The following ZEB1 variants were observed in gnomAD, a reference collection of about 807,000 sequenced individuals.
The protein encoded by ZEB1 is zinc finger E-box-binding homeobox 1.
Under a neutral mutation model 84.9 loss-of-function variants are expected in ZEB1, and 21 were observed. The observed-to-expected ratio is 0.25, with a 90% CI of 0.18 to 0.36. The LOEUF (loss-of-function observed/expected upper bound fraction) is 0.36, where lower values mean the gene tolerates loss of function less well. ZEB1 is among the 10% of genes least tolerant of loss of function. The pLI is 1.00. For missense variants in ZEB1, 1,104 were observed against 1,330.2 expected (o/e 0.83, Z 2.65); for synonymous variants, 420 against 471.1 (o/e 0.89, Z 1.41).
intron 1 of ZEB1, among the ~76,000 whole-genome samples, chr10:31,440,815 AAG>A (rs1203228920): frequency 6.6e-6 from 1 of 152,204 alleles, no homozygotes; most frequent in Non-Finnish European, 1.5e-5. Flanking sequence ...AATTGCTTCA[AAG>A]AGAATAAAAT....
intron 1 of ZEB1, among the ~76,000 whole-genome samples, chr10:31,405,142 G>A (rs573742608): frequency 1.3e-5 from 2 of 152,194 alleles, no homozygotes; most frequent in South Asian, 2.1e-4. Context: ...TAGCCAAAAT[G>A]GGAATTATTT....
At chr10:31,360,282 G>A (rs1331538527) in intron 1 of ZEB1, among the ~76,000 whole-genome samples, 2 of 152,116 alleles carry the variant, frequency 1.3e-5, no homozygotes, top group African/African-American at 2.4e-5. Context: ...AACATGATGG[G>A]AATTAAAACA....
At chr10:31,381,222 CAT>C (rs989726114) in intron 1 of ZEB1, among the ~76,000 whole-genome samples, 2 of 152,080 alleles carry the variant, frequency 1.3e-5, no homozygotes, top group African/African-American at 4.8e-5. Context: ...TTGTAGATGA[CAT>C]GATTAATTAT....
intron 1 of ZEB1, among the ~76,000 whole-genome samples, chr10:31,422,047 C>T (rs550188085): frequency 1.2e-4 from 18 of 152,182 alleles, no homozygotes; most frequent in African/African-American, 4.3e-4. Context: ...TACAGGCCAT[C>T]CTTTCTGGAC....
At chr10:31,385,225 A>G (rs1197208589) in intron 1 of ZEB1, among the ~76,000 whole-genome samples, 1 of 152,170 alleles carries the variant, frequency 6.6e-6, no homozygotes, top group Non-Finnish European at 1.5e-5. Context: ...CATACATCCC[A>G]AGTTTACTAC....
intron 5 of ZEB1, 117 bp from the exon 6 acceptor site, chr10:31,514,486 A>T: frequency 1.1e-6 from 1 of 898,964 alleles, no homozygotes; most frequent in Non-Finnish European, 1.7e-6. Flanking sequence ...TGAGGTCTTT[A>T]AGAAACAAAA....
At chr10:31,378,623 G>A (rs538677206) in intron 1 of ZEB1, among the ~76,000 whole-genome samples, 15 of 151,738 alleles carry the variant, frequency 9.9e-5, no homozygotes, top group South Asian at 6.2e-4. Context: ...TTCAATTAGC[G>A]TAAAGAAAAA....
intron 1 of ZEB1, among the ~76,000 whole-genome samples, chr10:31,435,259 A>G (rs2058150801): frequency 6.6e-6 from 1 of 152,180 alleles, no homozygotes; most frequent in Admixed American, 6.5e-5. Flanking sequence ...AGGAAAGTGG[A>G]TTCTCCCCTA....
chr10:31,506,335 C>G (rs1299701223), intron 4 of ZEB1, among the ~76,000 whole-genome samples: 1 of 151,996 alleles, frequency 6.6e-6, no homozygotes, highest in Non-Finnish European at 1.5e-5. Flanking sequence ...TGTCTTTCTA[C>G]ATGATCTGTC....
At position 31,330,834 on chromosome 10, in the gene ZEB1, T is replaced by TAAGTTC. The variant is rs200585366; in HGVS notation, c.58+11544_58+11545insGTTCAA. On this transcript the variant is annotated intron_variant, in intron 1 of 8. Coordinates refer to ENST00000424869, the MANE Select transcript of ZEB1 (RefSeq NM_001174096.2). ...TAATTCTTATTTTAAGATAGTTTTT[T>TAAGTTC]AACTTTTCTGTTTTATTTTATCACC... 8.7e-3 allele frequency among the ~76,000 whole-genome samples: 1,318 copies of TAAGTTC among 151,974 alleles called. 16 individuals are homozygous for TAAGTTC. Among genetic ancestry groups the TAAGTTC allele is most frequent in the African/African-American group, 0.029 (1,199 of 41,514 alleles).
At chr10:31,350,458 G>A (rs1007387114) in intron 1 of ZEB1, among the ~76,000 whole-genome samples, 2 of 152,086 alleles carry the variant, frequency 1.3e-5, no homozygotes, top group African/African-American at 4.8e-5. Context: ...ACTGATTGTA[G>A]GAGAAATCTG....
chr10:31,352,938 T>C (rs1266111356), intron 1 of ZEB1, among the ~76,000 whole-genome samples: 1 of 152,210 alleles, frequency 6.6e-6, no homozygotes, highest in African/African-American at 2.4e-5. Context: ...TGGGATGTAT[T>C]GTTGCAGCCA....
At chr10:31,508,834 A>T (rs1043770787) in intron 4 of ZEB1, among the ~76,000 whole-genome samples, 2 of 152,146 alleles carry the variant, frequency 1.3e-5, no homozygotes, top group Non-Finnish European at 2.9e-5. Context: ...CTTTAGCCCC[A>T]GACAGCGGCT....
chr10:31,412,163 A>G (rs764569061), intron 1 of ZEB1, among the ~76,000 whole-genome samples: 2 of 152,216 alleles, frequency 1.3e-5, no homozygotes, highest in Non-Finnish European at 2.9e-5. Context: ...TACACATATA[A>G]TAGAGAACTA....
chr10:31,483,591 A>G (rs908912367), intron 2 of ZEB1, among the ~76,000 whole-genome samples: 1 of 152,066 alleles, frequency 6.6e-6, no homozygotes, highest in East Asian at 1.9e-4. Flanking sequence ...ATGGCCTCCA[A>G]TAAGGTAGAA....
At chr10:31,337,262 C>A (rs2038310606) in intron 1 of ZEB1, among the ~76,000 whole-genome samples, 1 of 151,374 alleles carries the variant, frequency 6.6e-6, no homozygotes, top group South Asian at 2.1e-4. Context: ...TTAAGGATAC[C>A]AATACACATA....
intron 1 of ZEB1, among the ~76,000 whole-genome samples, chr10:31,323,682 A>T (rs1477583677): frequency 6.6e-6 from 1 of 152,108 alleles, no homozygotes; most frequent in African/African-American, 2.4e-5. Flanking sequence ...CTTTCAAGAA[A>T]CTATATAAAT....
At chr10:31,516,421 G>A (rs2071109350) in intron 6 of ZEB1, among the ~76,000 whole-genome samples, 1 of 151,438 alleles carries the variant, frequency 6.6e-6, no homozygotes, top group South Asian at 2.1e-4. Flanking sequence ...TAAATTGTTG[G>A]GGGGACAAAA....
intron 1 of ZEB1, among the ~76,000 whole-genome samples, chr10:31,423,509 A>G (rs1591105940): frequency 6.6e-6 from 1 of 152,112 alleles, no homozygotes; most frequent in African/African-American, 2.4e-5. Context: ...TCTATTTTCA[A>G]ATTATTCCAG....
Sources: allele counts gnomAD v4.1 joint callset (sites outside exome capture counted in the v4.1 genomes callset), GRCh38; gene constraint gnomAD v4.1.1; transcripts MANE v1.5; gene names NCBI Gene and HGNC (gene_info 2026-07-23, HGNC 2026-07-21).